NPHP4: variants seen among roughly 807,000 people sequenced by gnomAD.
NPHP4 encodes the protein nephrocystin 4, also known as nephrocystin-4.
In NPHP4, 151 loss-of-function variants were observed where a neutral mutation model predicts 155.8. The observed-to-expected ratio is 0.97, with a 90% CI of 0.85 to 1.11. The LOEUF is 1.11. Among genes scored for constraint, NPHP4 ranks in the 50% least tolerant of loss-of-function variants. The probability of loss-of-function intolerance (pLI) is 0.00; values close to 1 mark genes in which losing one functional copy is unlikely to be tolerated. For synonymous variants in NPHP4, 845 were observed against 816.8 expected, an observed-to-expected ratio of 1.03 and a Z score of -0.59; for missense variants, 1,956 against 1,925.7, an observed-to-expected ratio of 1.02 and a Z score of -0.29.
chr1:5,891,080 CT>C, intron 16 of NPHP4, 52 bp from the exon 17 acceptor site: 1 of 1,345,900 alleles, frequency 7.4e-7, no homozygotes, highest in Non-Finnish European at 9.9e-7. Context: ...CATTCATCAT[CT>C]TTACACTTGG....
rs1656518493 is a variant in NPHP4, at chr1:5,992,353, A to C, written c.-148T>G. 6.6e-6 allele frequency: 1 copy of C among 152,036 alleles called. No individual in the cohort carries two copies. The highest frequency in any genetic ancestry group is 2.4e-5 in the African/African-American group (1 of 41,506). The allele number at this position is 152,036 out of a possible 1,614,324, so 9.4% of individuals were successfully genotyped here. On this transcript the variant is annotated 5_prime_UTR_variant, in exon 1 of 30. Transcript: ENST00000378156. ...CCGGCGGCCGGTGCTCAACGGAGCC[A>C]CAAGCCTGAGGACCGAGGACTGGCC...
rs542811144 is a variant in NPHP4, at chr1:5,990,874, T to C, written c.-39+1370A>G. 2.4e-4 allele frequency among the ~76,000 whole-genome samples: 36 copies of C among 152,326 alleles called. 1 individual carries two copies. The South Asian group carries it at 7.3e-3, about 31-fold the overall frequency. On this transcript the variant is annotated intron_variant, in intron 1 of 29. Coordinates refer to ENST00000378156, the MANE Select transcript of NPHP4 (RefSeq NM_015102.5). ...CCAAAATGAGAGCTGTGAAATCTCC[T>C]TGAGATCTCTGCTTCTGCTGATCTA...
chr1:5,894,676 T>A, intron 16 of NPHP4, among the ~76,000 whole-genome samples: 1 of 151,744 alleles, frequency 6.6e-6, no homozygotes, highest in Non-Finnish European at 1.5e-5. Flanking sequence ...GATAAATGAA[T>A]TAAGCAGCTC....
intron 5 of NPHP4, among the ~76,000 whole-genome samples, chr1:5,962,205 G>T (rs1570655684): frequency 6.6e-6 from 1 of 152,008 alleles, no homozygotes; most frequent in Non-Finnish European, 1.5e-5. Flanking sequence ...TAGAGACAGG[G>T]TGCCACTCTG....
At chr1:5,954,179 T>G (rs181509427) in intron 6 of NPHP4, among the ~76,000 whole-genome samples, 1 of 152,214 alleles carries the variant, frequency 6.6e-6, no homozygotes, top group Non-Finnish European at 1.5e-5. Flanking sequence ...TGCAAGAATA[T>G]TCATTGAAAC....
chr1:5,912,617 G>A (rs371714955), intron 11 of NPHP4, among the ~76,000 whole-genome samples: 33 of 151,932 alleles, frequency 2.2e-4, no homozygotes, highest in East Asian at 2.1e-3. Flanking sequence ...TGGCAAACTC[G>A]TGGTAACCAC....
chr1:5,943,582 G>A (rs909102175), intron 9 of NPHP4, among the ~76,000 whole-genome samples: 1 of 152,214 alleles, frequency 6.6e-6, no homozygotes, highest in Admixed American at 6.5e-5. Context: ...CACAGGGAGA[G>A]CAGATCCTCC....
intron 11 of NPHP4, among the ~76,000 whole-genome samples, chr1:5,911,135 T>A (rs1220496714): frequency 1.3e-5 from 2 of 152,210 alleles, no homozygotes; most frequent in African/African-American, 2.4e-5. Flanking sequence ...CAGGAAAATA[T>A]CATCTCACTA....
rs112206586 is a variant in NPHP4 at position 5,877,257 on chromosome 1, T to G, written c.2653A>C (p.Ser885Arg). ...VQAQKLADVD[S>R]ELAAMLLTHA... is the part of the protein sequence containing the mutation. ...GTCAGTAGCATGGCAGCCAGCTCAC[T>G]GTCCACGTCCGCCAGCTTCTGTGCT... Residue 885 changes from serine (S) to arginine (R), a missense_variant, in exon 20 of 30, where the codon AGT becomes CGT. Coordinates refer to ENST00000378156, the MANE Select transcript of NPHP4 (RefSeq NM_015102.5). The G allele has an allele frequency of 1.7e-4, 272 of 1,606,294 alleles. 2 individuals are homozygous for G. In the African/African-American group the frequency reaches 3.1e-3, roughly 18 times the overall value.
chr1:5,937,192 T>C (rs548907867), intron 9 of NPHP4, among the ~76,000 whole-genome samples: 202 of 151,980 alleles, frequency 1.3e-3, no homozygotes, highest in African/African-American at 4.7e-3. Context: ...CTCGGCTCTG[T>C]CACACCAGGG....
At chr1:5,927,906 T>C (rs936777853) in intron 10 of NPHP4, 119 bp from the exon 11 acceptor site, 1 of 1,032,738 alleles carries the variant, frequency 9.7e-7, no homozygotes, top group Admixed American at 2.3e-5. Flanking sequence ...ATCAGAGGCT[T>C]CTTGATGCCA....
chr1:5,978,426 G>A lies in NPHP4; in HGVS notation c.136-13C>T, dbSNP rs749797110. On this transcript the variant is annotated splice_polypyrimidine_tract_variant and intron_variant, in intron 2 of 29. Coordinates refer to ENST00000378156, the MANE Select transcript of NPHP4 (RefSeq NM_015102.5). ...CCTCCAGCACGCCCTAGGAGACAAC[G>A]GGGAATTGACCCTCAAGAGTCTGAG... is the stretch of plus-strand genomic sequence containing the variant. 2.9e-5 allele frequency: 47 copies of A among 1,595,248 alleles called. No homozygotes were observed. Among genetic ancestry groups the A allele is most frequent in the South Asian group, 1.7e-4 (15 of 88,296 alleles).
In NPHP4 at chr1:5,877,065, G is replaced by C. The variant is rs59070881; in HGVS notation, c.2817+28C>G. The C allele has an allele frequency of 9.0e-6, 13 of 1,446,224 alleles. No homozygotes were observed. The African/African-American group carries it at 1.4e-4, about 16-fold the overall frequency. The allele number at this position is 1,446,224 out of a possible 1,614,324, so 89.6% of individuals were successfully genotyped here. ...TGACTCAGTCTGCATGGAGATCCCA[G>C]GACAGTGACAGCTGAACAAACCCTT... On this transcript the variant is annotated intron_variant, in intron 20 of 29. Transcript: ENST00000378156.
At chr1:5,948,595 T>C (rs1323107415) in intron 7 of NPHP4, among the ~76,000 whole-genome samples, 1 of 152,136 alleles carries the variant, frequency 6.6e-6, no homozygotes, top group East Asian at 1.9e-4. Flanking sequence ...ACTTGGCTCC[T>C]TCAAGACTCC....
intron 11 of NPHP4, among the ~76,000 whole-genome samples, chr1:5,913,974 C>T (rs1051108129): frequency 3.9e-5 from 6 of 152,122 alleles, no homozygotes; most frequent in African/African-American, 1.4e-4. Flanking sequence ...CCGCCAGGCA[C>T]GCAGCTCCCC....
intron 6 of NPHP4, among the ~76,000 whole-genome samples, chr1:5,954,012 CAA>C (rs1193165799): frequency 1.3e-5 from 2 of 152,182 alleles, no homozygotes; most frequent in Admixed American, 6.5e-5. Context: ...AAACTGCCGT[CAA>C]AAGAGCACTC....
At chr1:5,977,566 T>C (rs989578403) in intron 3 of NPHP4, among the ~76,000 whole-genome samples, 3 of 151,784 alleles carry the variant, frequency 2.0e-5, no homozygotes, top group African/African-American at 7.3e-5. Context: ...TCTGCAGTTC[T>C]GTTAGGTGAG....
In NPHP4 at chr1:5,867,402, G is replaced by C. The variant is rs1641355709; in HGVS notation, c.3473-287C>G. Reference sequence around the variant, plus strand: ...AAACACAGCTCCCTGGAGCAGGGAAGCCTGCACTCTGCTGTAAGGGGCACC... The same window carrying C: ...AAACACAGCTCCCTGGAGCAGGGAACCCTGCACTCTGCTGTAAGGGGCACC... On this transcript the variant is annotated intron_variant, in intron 24 of 29. Coordinates refer to ENST00000378156, the MANE Select transcript of NPHP4 (RefSeq NM_015102.5). This position sits in a 1 kb window ranked among gnomAD's most constrained non-coding sequence, Gnocchi z 4.1. 1 of 550,782 alleles carries C rather than the reference G, an allele frequency of 1.8e-6. No individual in the cohort carries two copies. The highest frequency in any genetic ancestry group is 3.0e-5 in the East Asian group (1 of 32,832). 34.1% of individuals were successfully genotyped at this position (550,782 alleles called of 1,614,324 possible). A position where few individuals can be genotyped will look rare whatever the true frequency, so the allele number is the denominator to read the frequency against.
In NPHP4 at chr1:5,971,158, C is replaced by A. The variant is rs142429977; in HGVS notation, c.280-1899G>T. Among the ~76,000 whole-genome samples, 214 of 152,332 alleles carry A rather than the reference C, an allele frequency of 1.4e-3. 1 individual carries two copies. The highest frequency in any genetic ancestry group is 4.7e-3 in the African/African-American group (197 of 41,566). On this transcript the variant is annotated intron_variant, in intron 3 of 29. Coordinates refer to ENST00000378156, the MANE Select transcript of NPHP4 (RefSeq NM_015102.5). ...TCACCCTGAAATTACTCTACCTGAA[C>A]CGGGTGGAACCTGCCGCTACGGGCA...
Sources: allele counts gnomAD v4.1 joint callset (sites outside exome capture counted in the v4.1 genomes callset), GRCh38; gene constraint gnomAD v4.1.1; non-coding constraint Gnocchi (gnomAD v3.1); transcripts MANE v1.5; gene names NCBI Gene and HGNC (gene_info 2026-07-23, HGNC 2026-07-21).